KIF6: variants seen among roughly 807,000 people sequenced by gnomAD.
KIF6 encodes kinesin family member 6.
Under a neutral mutation model 112.7 loss-of-function variants are expected in KIF6, and 106 were observed. The observed-to-expected ratio is 0.94, with a 90% confidence interval of 0.80 to 1.11. The LOEUF (loss-of-function observed/expected upper bound fraction) is 1.11. KIF6 is among the 50% of genes least tolerant of loss of function. KIF6 has a pLI of 0.00. For missense variants in KIF6, 929 were observed against 964.0 expected (o/e 0.96, Z 0.48); for synonymous variants, 339 against 339.9 (o/e 1.00, Z 0.03).
intron 13 of KIF6, among the ~76,000 whole-genome samples, chr6:39,474,028 G>A (rs1030824446): frequency 6.6e-6 from 1 of 152,192 alleles, no homozygotes; most frequent in African/African-American, 2.4e-5. Context: ...AAATAAAATA[G>A]ATGTGTACTT....
chr6:39,346,931 G>A (rs1299579427), intron 19 of KIF6, among the ~76,000 whole-genome samples: 1 of 152,230 alleles, frequency 6.6e-6, no homozygotes, highest in Non-Finnish European at 1.5e-5. Flanking sequence ...TTACAGGCGT[G>A]AGCCACTGTG....
chr6:39,574,440 G>A (rs574492849), intron 10 of KIF6, among the ~76,000 whole-genome samples: 2 of 152,176 alleles, frequency 1.3e-5, no homozygotes, highest in Admixed American at 1.3e-4. Context: ...ATACAAATTT[G>A]GCTAGATACA....
chr6:39,464,887 G>A (rs1476476387), intron 13 of KIF6, among the ~76,000 whole-genome samples: 1 of 152,166 alleles, frequency 6.6e-6, no homozygotes, highest in Non-Finnish European at 1.5e-5. Flanking sequence ...CAAACATTGG[G>A]TCACTGAAAG....
intron 16 of KIF6, among the ~76,000 whole-genome samples, chr6:39,368,221 C>T (rs1450202546): frequency 1.3e-5 from 2 of 152,126 alleles, no homozygotes; most frequent in African/African-American, 4.8e-5. Context: ...TGCATCGGGC[C>T]CTTGTAGGTG....
rs377750383 is a variant in KIF6, at chr6:39,414,282, C to T, written c.1810+5666G>A. Among the ~76,000 whole-genome samples, 157 of 152,216 alleles carry T rather than the reference C, an allele frequency of 1.0e-3. No individual in the cohort carries two copies. The Middle Eastern group carries it at 0.017, about 16-fold the overall frequency. On this transcript the variant is annotated intron_variant, in intron 15 of 22. Coordinates refer to ENST00000287152, the MANE Select transcript of KIF6 (RefSeq NM_145027.6). ...TTCATTACACCTATTCCTACTAAAC[C>T]ACATCTACGTTTATGCTTTGAATTC... is the stretch of plus-strand genomic sequence containing the variant.
At chr6:39,624,320 G>A (rs1783977574) in intron 5 of KIF6, among the ~76,000 whole-genome samples, 2 of 152,100 alleles carry the variant, frequency 1.3e-5, no homozygotes, top group East Asian at 1.9e-4. Flanking sequence ...TAAATTGTTG[G>A]TATACATGGT....
At chr6:39,687,831 A>T (rs1018842250) in intron 3 of KIF6, among the ~76,000 whole-genome samples, 2 of 152,148 alleles carry the variant, frequency 1.3e-5, no homozygotes, top group African/African-American at 4.8e-5. Flanking sequence ...TTTTCCACAG[A>T]ATGAGGATAC....
At position 39,378,187 on chromosome 6, in the gene KIF6, C is replaced by A. The variant is rs1562151222; in HGVS notation, c.1861+7435G>T. 6.6e-6 allele frequency among the ~76,000 whole-genome samples: 1 copy of A among 151,886 alleles called. No homozygotes were observed. Among genetic ancestry groups the A allele is most frequent in the Non-Finnish European group, 1.5e-5 (1 of 67,964 alleles). On this transcript the variant is annotated intron_variant, in intron 16 of 22. Coordinates refer to ENST00000287152, the MANE Select transcript of KIF6 (RefSeq NM_145027.6). The surrounding 1 kb of genome is among the most constrained non-coding windows in gnomAD (Gnocchi z 5.0). ...AATGCAGAGAAACCCCCATCCCGCACACAAACACACAAACCACACACACAT... is the reference window on the plus strand; with the variant it reads ...AATGCAGAGAAACCCCCATCCCGCAAACAAACACACAAACCACACACACAT...
chr6:39,689,022 G>A (rs1460567008), intron 3 of KIF6, among the ~76,000 whole-genome samples: 1 of 152,158 alleles, frequency 6.6e-6, no homozygotes, highest in Non-Finnish European at 1.5e-5. Flanking sequence ...GGAGGCTAAA[G>A]TGGGAGGATC....
At chr6:39,520,799 C>T (rs192420426) in intron 13 of KIF6, among the ~76,000 whole-genome samples, 18 of 152,206 alleles carry the variant, frequency 1.2e-4, no homozygotes, top group Admixed American at 2.0e-4. Flanking sequence ...GTGGGCTTTT[C>T]GGTCACACTC....
At chr6:39,355,931 T>C (rs2150247864) in intron 19 of KIF6, among the ~76,000 whole-genome samples, 1 of 152,236 alleles carries the variant, frequency 6.6e-6, no homozygotes, top group South Asian at 2.1e-4. Context: ...TGAACCGATA[T>C]TGATACATTG....
At chr6:39,608,923 C>T (rs530176441) in intron 6 of KIF6, among the ~76,000 whole-genome samples, 18 of 152,300 alleles carry the variant, frequency 1.2e-4, no homozygotes, top group South Asian at 4.1e-4. Flanking sequence ...ATGAACAAGA[C>T]GAAAGTCTTG....
At chr6:39,417,950 A>T (rs1367652646) in intron 15 of KIF6, among the ~76,000 whole-genome samples, 1 of 152,118 alleles carries the variant, frequency 6.6e-6, no homozygotes. Context: ...CCCTTGAGGT[A>T]AGAGGATGCT....
chr6:39,699,145 C>A (rs1460987300), intron 3 of KIF6, among the ~76,000 whole-genome samples: 2 of 151,626 alleles, frequency 1.3e-5, no homozygotes, highest in African/African-American at 4.9e-5. Flanking sequence ...TGCATTCTAG[C>A]AGAGGAGATA....
At chr6:39,714,195 C>T (rs1415605498) in intron 3 of KIF6, among the ~76,000 whole-genome samples, 3 of 152,132 alleles carry the variant, frequency 2.0e-5, no homozygotes, top group Admixed American at 1.3e-4. Context: ...CTAGAATTAG[C>T]TAGATATATT....
intron 3 of KIF6, among the ~76,000 whole-genome samples, chr6:39,700,353 TAAATTTC>T (rs1788810970): frequency 6.6e-6 from 1 of 152,230 alleles, no homozygotes; most frequent in African/African-American, 2.4e-5. Context: ...AACATTAAGG[TAAATTTC>T]TGTAAATTAC....
chr6:39,530,704 G>T (rs1406088409), intron 13 of KIF6, among the ~76,000 whole-genome samples: 1 of 152,168 alleles, frequency 6.6e-6, no homozygotes, highest in African/African-American at 2.4e-5. Context: ...ATGAGAGAGG[G>T]TTGTCAAAGG....
At chr6:39,555,972 A>G (rs1048528913) in intron 10 of KIF6, among the ~76,000 whole-genome samples, 12 of 151,628 alleles carry the variant, frequency 7.9e-5, no homozygotes, top group African/African-American at 9.7e-5. Context: ...AAAAAAAAAA[A>G]AAGAAGATTT....
At position 39,331,415 on chromosome 6, in the gene KIF6, G is replaced by A. The variant is rs184526605; in HGVS notation, c.*5117C>T. 0.014 allele frequency: 2,034 copies of A among 147,874 alleles called. 17 individuals carry two copies. The highest frequency in any genetic ancestry group is 0.022 in the Non-Finnish European group (1,458 of 67,350). The allele number at this position is 147,874 out of a possible 1,614,324, so 9.2% of individuals were successfully genotyped here. On this transcript the variant is annotated 3_prime_UTR_variant, in exon 23 of 23. Transcript: ENST00000287152. ...TTTTTTTTTTCAGAGAAGGAGTCTC[G>A]CTCTTGTTGCCCAGGTTGGAGTGCA...
Sources: gnomAD v4.1 joint callset for allele counts (sites outside exome capture counted in the v4.1 genomes callset) on GRCh38, gnomAD v4.1.1 for gene constraint, Gnocchi (gnomAD v3.1) non-coding constraint, MANE v1.5 for transcripts, NCBI Gene and HGNC (gene_info 2026-07-23, HGNC 2026-07-21) for gene names.